The following PPP4R1 variants were observed in gnomAD, a reference collection of about 807,000 sequenced individuals.
PPP4R1 encodes the protein serine/threonine-protein phosphatase 4 regulatory subunit 1.
Under a neutral mutation model 111.2 loss-of-function variants are expected in PPP4R1, and 42 were observed. The observed-to-expected ratio is 0.38, with a 90% CI of 0.29 to 0.49. PPP4R1 has a LOEUF of 0.49. Ranked by LOEUF, PPP4R1 falls within the 20% of genes least tolerant of loss-of-function variation. PPP4R1 has a pLI of 0.97. For synonymous variants in PPP4R1, 409 were observed against 405.5 expected, an observed-to-expected ratio of 1.01 and a Z score of -0.10; for missense variants, 1,012 against 1,161.6, an observed-to-expected ratio of 0.87 and a Z score of 1.87.
Position 9,604,231 on chromosome 18 carries a change from C to T in PPP4R1, c.53-9078G>A, listed in dbSNP as rs117983887. The stretch of plus-strand genomic sequence containing the variant: ...AGTAATAAAGTTTAAAGACCACGGT[C>T]CTAGACTGTTATTAACATAATTGCC... On this transcript the variant is annotated intron_variant, in intron 2 of 19. Transcript: ENST00000400556. Among the ~76,000 whole-genome samples, 498 of 152,252 alleles carry T rather than the reference C, an allele frequency of 3.3e-3. 1 individual carries two copies. Among genetic ancestry groups the T allele is most frequent in the Non-Finnish European group, 5.2e-3 (352 of 68,024 alleles).
intron 13 of PPP4R1, 71 bp downstream of exon 13, chr18:9,561,909 A>T: frequency 7.9e-7 from 1 of 1,258,718 alleles, no homozygotes; most frequent in Non-Finnish European, 1.2e-6. Context: ...GGGGCAAATT[A>T]GGTCAGAAAT....
intron 10 of PPP4R1, among the ~76,000 whole-genome samples, chr18:9,576,730 T>C (rs1394155365): frequency 2.9e-5 from 4 of 137,246 alleles, no homozygotes; most frequent in African/African-American, 8.4e-5. Flanking sequence ...ACCCTGTATA[T>C]TGTAGATATC....
chr18:9,551,224 A>C (rs1024875042), intron 16 of PPP4R1: 1 of 152,254 alleles, frequency 6.6e-6, no homozygotes, highest in Non-Finnish European at 1.5e-5. Flanking sequence ...AAAGCTACAT[A>C]AACTTCAAGA....
At chr18:9,601,587 G>A (rs2067383703) in intron 2 of PPP4R1, among the ~76,000 whole-genome samples, 1 of 152,098 alleles carries the variant, frequency 6.6e-6, no homozygotes, top group Non-Finnish European at 1.5e-5. Flanking sequence ...CCGCCTCCCA[G>A]GTTCAAGCAA....
At chr18:9,560,669 T>C (rs1568090771) in intron 13 of PPP4R1, among the ~76,000 whole-genome samples, 1 of 152,178 alleles carries the variant, frequency 6.6e-6, no homozygotes, top group Non-Finnish European at 1.5e-5. Flanking sequence ...AACACTATTG[T>C]TTTGAATACT....
At chr18:9,613,887 A>T in intron 2 of PPP4R1, 1 of 175,780 alleles carries the variant, frequency 5.7e-6, no homozygotes, top group Non-Finnish European at 1.2e-5. Flanking sequence ...AAACACACCC[A>T]AACCCCACTT....
chr18:9,580,402 T>C (rs1221620863), intron 9 of PPP4R1, among the ~76,000 whole-genome samples: 1 of 150,608 alleles, frequency 6.6e-6, no homozygotes, highest in Non-Finnish European at 1.5e-5. Context: ...CAGGCTGGAG[T>C]GCAATGGCGC....
At chr18:9,569,676 A>G (rs981889516) in intron 11 of PPP4R1, among the ~76,000 whole-genome samples, 1 of 152,174 alleles carries the variant, frequency 6.6e-6, no homozygotes, top group African/African-American at 2.4e-5. Flanking sequence ...TATCAAGAGA[A>G]TTTAGAAATA....
At chr18:9,551,731 C>T (rs2066491850) in intron 16 of PPP4R1, 2 of 152,278 alleles carry the variant, frequency 1.3e-5, no homozygotes, top group Admixed American at 1.3e-4. Context: ...AGAACTAATG[C>T]TCCTTATTCC....
intron 11 of PPP4R1, among the ~76,000 whole-genome samples, chr18:9,566,054 G>A (rs979468684): frequency 1.3e-5 from 2 of 151,980 alleles, no homozygotes; most frequent in African/African-American, 2.4e-5. Context: ...AGAATTACAG[G>A]CATGGACCAT....
At position 9,583,974 on chromosome 18, in the gene PPP4R1, G is replaced by A. The variant is rs142595230; in HGVS notation, c.759+541C>T. On this transcript the variant is annotated intron_variant, in intron 8 of 19. Coordinates refer to ENST00000400556, the MANE Select transcript of PPP4R1 (RefSeq NM_001042388.3). ...AAAAGTGCTGATAATTTGGTCCGTC[G>A]GATTTCTGGCTATGCAAAAGCATAC... Among the ~76,000 whole-genome samples the A allele has an allele frequency of 3.2e-3, 492 of 152,114 alleles. 6 individuals carry two copies. Among genetic ancestry groups the A allele is most frequent in the Non-Finnish European group, 3.1e-3 (209 of 67,984 alleles).
At chr18:9,573,117 C>T (rs2066886447) in intron 10 of PPP4R1, among the ~76,000 whole-genome samples, 1 of 152,140 alleles carries the variant, frequency 6.6e-6, no homozygotes, top group African/African-American at 2.4e-5. Context: ...GTGTCTTCTA[C>T]ATGTTTATGA....
At chr18:9,572,265 T>C (rs960807606) in intron 10 of PPP4R1, among the ~76,000 whole-genome samples, 2 of 152,108 alleles carry the variant, frequency 1.3e-5, no homozygotes, top group Admixed American at 6.6e-5. Context: ...AGGCAACAAG[T>C]ATTAATAAAG....
intron 15 of PPP4R1, 61 bp from the exon 16 acceptor site, chr18:9,553,483 G>A (rs407530): frequency 0.14 from 153,813 of 1,132,132 alleles, 11,727 homozygotes; most frequent in Middle Eastern, 0.25. Flanking sequence ...TCTTTTACTA[G>A]AGTGCTTAAA....
chr18:9,572,130 G>A lies in PPP4R1; in HGVS notation c.1047-1447C>T, dbSNP rs571132045. 5.6e-4 allele frequency among the ~76,000 whole-genome samples: 85 copies of A among 152,282 alleles called. 1 individual carries two copies. Among genetic ancestry groups the A allele is most frequent in the Middle Eastern group, 6.8e-3 (2 of 294 alleles). On this transcript the variant is annotated intron_variant, in intron 10 of 19. Coordinates refer to ENST00000400556, the MANE Select transcript of PPP4R1 (RefSeq NM_001042388.3). ...ACAAGAAAGCTAACAGGTTCAGGTT[G>A]AAAGAGGTTGAGTTAGCTATCCACG...
chr18:9,553,112 T>C (rs1180790732), intron 16 of PPP4R1, among the ~76,000 whole-genome samples: 1 of 151,862 alleles, frequency 6.6e-6, no homozygotes, highest in Non-Finnish European at 1.5e-5. Context: ...AAAAATAATA[T>C]AAAGATGAAC....
intron 9 of PPP4R1, among the ~76,000 whole-genome samples, chr18:9,577,832 A>C (rs2066962847): frequency 6.6e-6 from 1 of 152,242 alleles, no homozygotes; most frequent in African/African-American, 2.4e-5. Flanking sequence ...AAAAAGAATA[A>C]GGAAAACCAA....
chr18:9,612,221 C>G (rs1024134583), intron 2 of PPP4R1, among the ~76,000 whole-genome samples: 1 of 152,114 alleles, frequency 6.6e-6, no homozygotes, highest in Non-Finnish European at 1.5e-5. Flanking sequence ...CAGCCTTGAA[C>G]AACTCTATGA....
rs1239077103 is a variant in PPP4R1, at chr18:9,593,795, T to C, written c.268A>G (p.Arg90Gly). The C allele has an allele frequency of 2.5e-6, 4 of 1,613,738 alleles. No individual in the cohort carries two copies. Among genetic ancestry groups the C allele is most frequent in the Non-Finnish European group, 3.4e-6 (4 of 1,179,834 alleles). Residue 90 changes from arginine (R) to glycine (G), a missense_variant, in exon 4 of 20, where the codon AGA becomes GGA. Arg to Gly is a moderately radical substitution (Grantham distance 125). Around this residue, in one of 2 missense-constraint regions of PPP4R1, gnomAD observed 707 missense variants for 742.1 expected, o/e 0.95. Coordinates refer to ENST00000400556, the MANE Select transcript of PPP4R1 (RefSeq NM_001042388.3). ...GAATCATCGGCCAATCTGCTAATTC[T>C]TTCCAAAACAGCAATACAATCTCTT... ...DERDCIAVLE[R>G]ISRLADDSEP...
Sources: allele counts gnomAD v4.1 joint callset (sites outside exome capture counted in the v4.1 genomes callset), GRCh38; gene constraint gnomAD v4.1.1; regional missense constraint gnomAD v4.1.1; transcripts MANE v1.5; gene names NCBI Gene and HGNC (gene_info 2026-07-23, HGNC 2026-07-21).